ADD3: variants seen among roughly 807,000 people sequenced by gnomAD.
The protein encoded by ADD3 is gamma-adducin.
In ADD3, 25 loss-of-function variants were observed where a neutral mutation model predicts 80.2. The observed-to-expected ratio is 0.31, with a 90% CI of 0.23 to 0.44. The LOEUF is 0.44. ADD3 is among the 20% of genes least tolerant of loss of function. The pLI, the probability that ADD3 is intolerant of heterozygous loss-of-function variation, is 1.00. For synonymous variants in ADD3, 284 were observed against 289.6 expected, an observed-to-expected ratio of 0.98 and a Z score of 0.20; for missense variants, 829 against 847.5, an observed-to-expected ratio of 0.98 and a Z score of 0.27.
In ADD3 at chr10:110,125,836, C is replaced by A; in HGVS notation, c.1412C>A (p.Ala471Glu). Residue 471 changes from alanine to glutamate, a missense_variant, in exon 11 of 15, where the codon GCA becomes GAA. Transcript: ENST00000356080. ...SPRTKITWMK[A>E]EDSSKVSGGT... ...TTTTTGATTCTTTAGTGGATGAAAG[C>A]AGAAGACTCATCTAAAGTTAGTGGT... 6.3e-7 allele frequency: 1 copy of A among 1,596,368 alleles called. No individual in the cohort carries two copies.
chr10:110,024,129 A>G (rs1854006190), intron 1 of ADD3, among the ~76,000 whole-genome samples: 2 of 152,226 alleles, frequency 1.3e-5, no homozygotes, highest in Admixed American at 1.3e-4. Flanking sequence ...ATACCCGTGT[A>G]ATAAGCCTGC....
intron 10 of ADD3, 45 bp downstream of exon 10, chr10:110,124,319 C>G: frequency 6.3e-7 from 1 of 1,589,330 alleles, no homozygotes; most frequent in Non-Finnish European, 8.6e-7. Context: ...AATATTTTGC[C>G]TAGTTACTCA....
At chr10:110,070,667 C>T (rs1232896994) in intron 1 of ADD3, among the ~76,000 whole-genome samples, 1 of 152,000 alleles carries the variant, frequency 6.6e-6, no homozygotes, top group Non-Finnish European at 1.5e-5. Flanking sequence ...TATAGCAAAT[C>T]TATCAACCAT....
At chr10:110,007,927 CG>C (rs1232918971), upstream of ADD3, 2 of 1,966 alleles carry the variant, frequency 1.0e-3, no homozygotes, top group Non-Finnish European at 1.7e-3. Context: ...GACCTAGGGG[CG>C]GGGCGTTAGG....
At chr10:110,019,326 A>G (rs1323631739) in intron 1 of ADD3, among the ~76,000 whole-genome samples, 1 of 151,364 alleles carries the variant, frequency 6.6e-6, no homozygotes, top group Non-Finnish European at 1.5e-5. Flanking sequence ...AACTCTATTC[A>G]AGACATTTTG....
At chr10:110,103,447 TCACATGGCTGTTGGCAAAAGAC>T in intron 2 of ADD3, among the ~76,000 whole-genome samples, 1 of 152,330 alleles carries the variant, frequency 6.6e-6, no homozygotes, top group Non-Finnish European at 1.5e-5. Flanking sequence ...GATGGATCAC[TCACATGGCTGTTGGCAAAAGAC>T]CACAATTCCT....
At chr10:110,117,563 T>C (rs1239966235) in intron 5 of ADD3, 141 bp downstream of exon 5, 2 of 590,804 alleles carry the variant, frequency 3.4e-6, no homozygotes, top group Middle Eastern at 3.2e-4. Context: ...ATTTGAACTA[T>C]GTTGTTTTAG....
rs1167777425 is a variant in ADD3 at position 110,061,734 on chromosome 10, C to T, written c.-29-38891C>T. Reference sequence around the variant, plus strand: ...AATTTCTAGTCTGAGATACATTCTACACTAGACCCATTATAGGATATTAGA... The same window carrying T: ...AATTTCTAGTCTGAGATACATTCTATACTAGACCCATTATAGGATATTAGA... On this transcript the variant is annotated intron_variant, in intron 1 of 14. Coordinates refer to ENST00000356080, the MANE Select transcript of ADD3 (RefSeq NM_016824.5). 3.3e-5 allele frequency among the ~76,000 whole-genome samples: 5 copies of T among 152,190 alleles called. No homozygotes were observed. In the East Asian group the frequency reaches 9.6e-4, roughly 29 times the overall value.
chr10:110,077,723 C>G (rs1278505014), intron 1 of ADD3, among the ~76,000 whole-genome samples: 6 of 152,078 alleles, frequency 3.9e-5, no homozygotes, highest in Non-Finnish European at 7.4e-5. Context: ...GTGAGTTGAA[C>G]TATAGGAGAA....
chr10:110,079,427 TGAGAGA>T (rs60960051), intron 1 of ADD3: 5,388 of 122,126 alleles, frequency 0.044, 122 homozygotes, highest in East Asian at 0.061. Flanking sequence ...AAAAAAATGA[TGAGAGA>T]GAGAGAGAGA....
chr10:110,039,802 C>T (rs1425178338), intron 1 of ADD3, among the ~76,000 whole-genome samples: 2 of 152,184 alleles, frequency 1.3e-5, no homozygotes, highest in Non-Finnish European at 2.9e-5. Flanking sequence ...GAGAAGCTGC[C>T]TCTAACTTCG....
At chr10:110,025,542 G>A (rs561899913) in intron 1 of ADD3, among the ~76,000 whole-genome samples, 43 of 149,490 alleles carry the variant, frequency 2.9e-4, no homozygotes, top group Admixed American at 4.7e-4. Flanking sequence ...ATGAGTAGAC[G>A]TAGGAATTCT....
At chr10:110,045,997 A>G (rs748224025) in intron 1 of ADD3, among the ~76,000 whole-genome samples, 3 of 152,230 alleles carry the variant, frequency 2.0e-5, no homozygotes, top group African/African-American at 4.8e-5. Context: ...TCTCAGTATT[A>G]TTGTGTATCT....
intron 11 of ADD3, 125 bp downstream of exon 11, chr10:110,126,070 C>T: frequency 2.9e-6 from 3 of 1,028,750 alleles, no homozygotes; most frequent in Non-Finnish European, 4.2e-6. Flanking sequence ...GAATTTAATT[C>T]AGTATAATTT....
chr10:110,012,352 T>C (rs936578808), intron 1 of ADD3, among the ~76,000 whole-genome samples: 1 of 152,252 alleles, frequency 6.6e-6, no homozygotes, highest in African/African-American at 2.4e-5. Context: ...ATGTTAAATG[T>C]TAAGAAAGTA....
intron 1 of ADD3, among the ~76,000 whole-genome samples, chr10:110,070,438 T>C (rs923526473): frequency 1.5e-4 from 23 of 148,860 alleles, no homozygotes; most frequent in Admixed American, 1.1e-3. Flanking sequence ...CAACTCAGAA[T>C]TTAAATATAA....
At chr10:110,033,782 G>A (rs945677900) in intron 1 of ADD3, among the ~76,000 whole-genome samples, 14 of 152,284 alleles carry the variant, frequency 9.2e-5, no homozygotes, top group Non-Finnish European at 2.1e-4. Flanking sequence ...ATACTCAGCT[G>A]CCTTTAATTT....
chr10:110,010,100 G>A (rs191008190), intron 1 of ADD3, among the ~76,000 whole-genome samples: 116 of 152,246 alleles, frequency 7.6e-4, no homozygotes, highest in African/African-American at 2.7e-3. Flanking sequence ...TATGTTTAAA[G>A]TGTAGATCTG....
chr10:110,047,012 A>C (rs1307934987), intron 1 of ADD3, among the ~76,000 whole-genome samples: 1 of 152,094 alleles, frequency 6.6e-6, no homozygotes, highest in African/African-American at 2.4e-5. Context: ...GACTACTGAG[A>C]TGTAGTAGTT....
Sources: gnomAD v4.1 joint callset for allele counts (sites outside exome capture counted in the v4.1 genomes callset) on GRCh38, gnomAD v4.1.1 for gene constraint, MANE v1.5 for transcripts, NCBI Gene and HGNC (gene_info 2026-07-23, HGNC 2026-07-21) for gene names.